PDE4D: variants seen among roughly 807,000 people sequenced by gnomAD.
PDE4D encodes 3',5'-cyclic-AMP phosphodiesterase 4D.
Under a neutral mutation model 87.4 loss-of-function variants are expected in PDE4D, and 24 were observed. The observed-to-expected ratio is 0.27, with a 90% confidence interval of 0.20 to 0.39. The LOEUF is 0.39. Ranked by LOEUF, PDE4D falls within the 10% of genes least tolerant of loss-of-function variation. The pLI, the probability that PDE4D is intolerant of heterozygous loss-of-function variation, is 1.00. For missense variants in PDE4D, 714 were observed against 1,041.0 expected (o/e 0.69, Z 4.32); for synonymous variants, 384 against 383.2 (o/e 1.00, Z -0.02).
chr5:60,354,729 A>T (rs1759473890), intron 1 of PDE4D, among the ~76,000 whole-genome samples: 1 of 152,200 alleles, frequency 6.6e-6, no homozygotes, highest in African/African-American at 2.4e-5. Context: ...TCTGGCTCAA[A>T]TAAATTTTTT....
At chr5:59,907,058 A>C (rs1340165533) in intron 3 of PDE4D, among the ~76,000 whole-genome samples, 3 of 152,210 alleles carry the variant, frequency 2.0e-5, no homozygotes, top group Non-Finnish European at 4.4e-5. Flanking sequence ...CATAAAAAGA[A>C]TGAGATAATG....
chr5:60,311,902 T>C (rs1235732251), intron 1 of PDE4D, among the ~76,000 whole-genome samples: 1 of 152,192 alleles, frequency 6.6e-6, no homozygotes, highest in African/African-American at 2.4e-5. Context: ...GTTTGTATTA[T>C]AATTTCAGAC....
intron 1 of PDE4D, among the ~76,000 whole-genome samples, chr5:59,774,883 C>G (rs1353320907): frequency 6.6e-6 from 1 of 151,912 alleles, no homozygotes; most frequent in Non-Finnish European, 1.5e-5. Flanking sequence ...TTAGTAGAGA[C>G]AGGGTTTCAC....
At chr5:60,049,539 T>G (rs1769810743) in intron 2 of PDE4D, among the ~76,000 whole-genome samples, 1 of 152,100 alleles carries the variant, frequency 6.6e-6, no homozygotes, top group South Asian at 2.1e-4. Context: ...TACAGATGGG[T>G]TTTTGGTGTG....
chr5:60,202,298 G>A (rs1742005356), intron 1 of PDE4D, among the ~76,000 whole-genome samples: 1 of 152,054 alleles, frequency 6.6e-6, no homozygotes, highest in African/African-American at 2.4e-5. Context: ...TAGTAGCTGG[G>A]ACTACAGGTG....
rs184688623 is a variant in PDE4D, at chr5:59,359,895, G to A, written c.456-143927C>T. Among the ~76,000 whole-genome samples the A allele has an allele frequency of 1.8e-4, 27 of 152,248 alleles. 1 individual carries two copies. In the East Asian group the frequency reaches 3.7e-3, roughly 21 times the overall value. ...TATGTCCTAGGGAAAACCAGATTCG[G>A]AAATCTAAACATTGCTCCAATCCAA... On this transcript the variant is annotated intron_variant, in intron 1 of 14. Transcript: ENST00000340635.
At chr5:59,295,312 G>C (rs1366554037) in intron 1 of PDE4D, among the ~76,000 whole-genome samples, 1 of 152,078 alleles carries the variant, frequency 6.6e-6, no homozygotes, top group East Asian at 1.9e-4. Flanking sequence ...TAGTGACCCA[G>C]GAAAAATATG....
chr5:58,999,058 G>C (rs540258727), intron 6 of PDE4D, among the ~76,000 whole-genome samples: 3 of 152,110 alleles, frequency 2.0e-5, no homozygotes, highest in African/African-American at 7.2e-5. Context: ...ATAGCTAAAG[G>C]TGAAAAAAAC....
intron 1 of PDE4D, among the ~76,000 whole-genome samples, chr5:59,407,685 G>A (rs1375103351): frequency 1.3e-5 from 2 of 152,156 alleles, no homozygotes; most frequent in African/African-American, 2.4e-5. Flanking sequence ...TGTAAGTGAG[G>A]AACTTATTGA....
chr5:60,166,744 C>T (rs1782944701), intron 2 of PDE4D, among the ~76,000 whole-genome samples: 1 of 152,090 alleles, frequency 6.6e-6, no homozygotes. Context: ...TAACACAGGT[C>T]TGGCAATGAT....
intron 3 of PDE4D, among the ~76,000 whole-genome samples, chr5:59,953,075 A>T (rs1758461508): frequency 6.6e-6 from 1 of 151,962 alleles, no homozygotes; most frequent in South Asian, 2.1e-4. Flanking sequence ...ACTTGGAGGA[A>T]GGGAGCCATT....
chr5:60,016,163 A>C (rs2152848629), intron 2 of PDE4D, among the ~76,000 whole-genome samples: 1 of 151,956 alleles, frequency 6.6e-6, no homozygotes, highest in South Asian at 2.1e-4. Flanking sequence ...TAATACAGTA[A>C]CTCACATGAA....
intron 1 of PDE4D, among the ~76,000 whole-genome samples, chr5:60,244,124 A>G (rs1400235189): frequency 6.6e-6 from 1 of 152,062 alleles, no homozygotes; most frequent in African/African-American, 2.4e-5. Flanking sequence ...TACAAAATCA[A>G]TATAGAAAAA....
chr5:59,754,859 A>C lies in PDE4D; in HGVS notation c.455+138309T>G, dbSNP rs1761003526. On this transcript the variant is annotated intron_variant, in intron 1 of 14. Transcript: ENST00000340635. ...GCAGCTACCAGGTAAGAACTTAATA[A>C]TTACAGTGTGGGAAAACAGAGTACC... 3.0e-5 allele frequency among the ~76,000 whole-genome samples: 4 copies of C among 133,180 alleles called. No individual in the cohort carries two copies. In the East Asian group the frequency reaches 8.5e-4, roughly 28 times the overall value. The allele number at this position is 133,180 out of a possible 152,430, so 87.4% of individuals were successfully genotyped here.
intron 1 of PDE4D, among the ~76,000 whole-genome samples, chr5:60,411,865 C>A (rs1028457670): frequency 6.6e-6 from 1 of 152,032 alleles, no homozygotes; most frequent in Non-Finnish European, 1.5e-5. Context: ...TAGTTTGTTC[C>A]ACTGCTACTG....
chr5:60,425,329 A>G (rs1045259125), intron 1 of PDE4D, among the ~76,000 whole-genome samples: 2 of 152,244 alleles, frequency 1.3e-5, no homozygotes. Context: ...CTGGTACCAA[A>G]ACAGAGATAT....
intron 1 of PDE4D, among the ~76,000 whole-genome samples, chr5:59,520,719 G>C (rs1451514421): frequency 6.6e-6 from 1 of 152,028 alleles, no homozygotes; most frequent in African/African-American, 2.4e-5. Flanking sequence ...GATTCGGAAA[G>C]GGCTAGGATT....
chr5:60,197,642 G>A (rs773999047), intron 1 of PDE4D, among the ~76,000 whole-genome samples: 52 of 151,704 alleles, frequency 3.4e-4, no homozygotes, highest in South Asian at 8.4e-4. Context: ...AAGTAAGTCA[G>A]GAAGTACCCT....
At chr5:59,279,583 G>C (rs17528634) in intron 1 of PDE4D, among the ~76,000 whole-genome samples, 12,196 of 151,898 alleles carry the variant, frequency 0.08, 644 homozygotes, top group Middle Eastern at 0.13. Context: ...TAAACTGTCA[G>C]GTTAGGATAA....
Sources: allele counts gnomAD v4.1 joint callset (sites outside exome capture counted in the v4.1 genomes callset), GRCh38; gene constraint gnomAD v4.1.1; transcripts MANE v1.5; gene names NCBI Gene and HGNC (gene_info 2026-07-23, HGNC 2026-07-21).